TRIM37: variants seen among roughly 807,000 people sequenced by gnomAD.
TRIM37 encodes E3 ubiquitin-protein ligase TRIM37.
A neutral mutation model predicts 129.8 loss-of-function variants in TRIM37; 80 were observed. That is an observed-to-expected ratio of 0.62 (90% CI 0.51 to 0.74). TRIM37 has a LOEUF of 0.74. TRIM37 is among the 30% of genes least tolerant of loss of function. The pLI is 0.00. For synonymous variants in TRIM37, 389 were observed against 387.1 expected (o/e 1.00, Z -0.06); for missense variants, 1,054 against 1,176.5 (o/e 0.90, Z 1.52).
At chr17:59,075,793 T>C in intron 7 of TRIM37, 79 bp from the exon 8 acceptor site, 1 of 1,130,480 alleles carries the variant, frequency 8.8e-7, no homozygotes, top group Admixed American at 1.8e-5. Flanking sequence ...TGAACATATT[T>C]AATAACAAGA....
rs1161031946 is a variant in TRIM37, at chr17:59,032,089, A to G, written c.1755T>C (p.Gly585=). 7.4e-6 allele frequency: 12 copies of G among 1,613,692 alleles called. No individual in the cohort carries two copies. The highest frequency in any genetic ancestry group is 1.0e-5 in the Non-Finnish European group (12 of 1,180,010). Reference sequence around the variant, plus strand: ...TGGAACCCACATAACCATGGCTACTACCTGCAAAAGAGGCGTAGAAAATGA... The same window carrying G: ...TGGAACCCACATAACCATGGCTACTGCCTGCAAAAGAGGCGTAGAAAATGA... ...MEDAAAAGPA[G]SSHGYVGSSS... Residue 585 remains glycine (G), a splice_region_variant and synonymous_variant, in exon 18 of 24, where the codon GGT becomes GGC. Transcript: ENST00000262294.
intron 1 of TRIM37, 103 bp downstream of exon 1, chr17:59,106,338 T>A: frequency 7.4e-7 from 1 of 1,356,840 alleles, no homozygotes; most frequent in Admixed American, 2.0e-5. Flanking sequence ...AGGGGCGGGG[T>A]AGGGGTGCCC....
intron 13 of TRIM37, among the ~76,000 whole-genome samples, chr17:59,054,371 G>A (rs1406730988): frequency 2.0e-5 from 3 of 151,660 alleles, no homozygotes; most frequent in South Asian, 4.2e-4. Context: ...GTGAAATCTC[G>A]GCTCACTGCA....
intron 17 of TRIM37, among the ~76,000 whole-genome samples, chr17:59,033,994 C>T (rs187187625): frequency 9.1e-4 from 138 of 151,682 alleles, no homozygotes; most frequent in African/African-American, 3.2e-3. Context: ...GTAATCCCAG[C>T]TACTCGGGAG....
intron 22 of TRIM37, among the ~76,000 whole-genome samples, chr17:59,006,472 T>C (rs896689959): frequency 6.6e-6 from 1 of 152,210 alleles, no homozygotes; most frequent in Admixed American, 6.5e-5. Flanking sequence ...GATGACACTT[T>C]ATATTCTAGT....
chr17:59,087,140 G>A (rs1185041890), intron 4 of TRIM37, among the ~76,000 whole-genome samples: 1 of 152,140 alleles, frequency 6.6e-6, no homozygotes, highest in East Asian at 1.9e-4. Context: ...TCGTTACCCA[G>A]GCTGGAATGC....
chr17:59,024,829 C>T (rs1048957895), intron 19 of TRIM37, among the ~76,000 whole-genome samples: 3 of 152,236 alleles, frequency 2.0e-5, no homozygotes, highest in African/African-American at 7.2e-5. Flanking sequence ...CCCAGCACCC[C>T]TAAACTAGTC....
At chr17:58,996,446 G>A (rs2144299059), downstream of TRIM37, among the ~76,000 whole-genome samples, 1 of 149,338 alleles carries the variant, frequency 6.7e-6, no homozygotes, top group South Asian at 2.1e-4. Context: ...CTCCAGCCTG[G>A]CCGACAGAGT....
At chr17:59,037,967 T>G (rs1372011295) in intron 17 of TRIM37, among the ~76,000 whole-genome samples, 1 of 152,176 alleles carries the variant, frequency 6.6e-6, no homozygotes, top group Admixed American at 6.5e-5. Flanking sequence ...TTTTCCCTCA[T>G]GATTAGATTG....
chr17:59,039,292 G>C (rs2038893618), intron 17 of TRIM37, among the ~76,000 whole-genome samples: 1 of 151,586 alleles, frequency 6.6e-6, no homozygotes, highest in Non-Finnish European at 1.5e-5. Context: ...CTCCTGCAAA[G>C]TGCCTGCTTT....
chr17:59,043,673 C>G (rs1450917209), intron 16 of TRIM37, among the ~76,000 whole-genome samples: 1 of 152,156 alleles, frequency 6.6e-6, no homozygotes. Context: ...AGATGCTCTA[C>G]CTGGATGCAG....
At chr17:59,041,762 A>G in intron 17 of TRIM37, 51 bp downstream of exon 17, 1 of 1,325,768 alleles carries the variant, frequency 7.5e-7, no homozygotes, top group African/African-American at 1.4e-5. Flanking sequence ...CAGTCAGAGA[A>G]GAGCAGAGAG....
At chr17:58,983,929 AAGGGAGTC>A (rs1482032686) in intron 24 of TRIM37, 1 of 152,616 alleles carries the variant, frequency 6.6e-6, no homozygotes, top group East Asian at 1.9e-4. Context: ...GTGAGTTTCA[AAGGGAGTC>A]AGTCCCTAAT....
intron 19 of TRIM37, among the ~76,000 whole-genome samples, chr17:59,026,080 C>A (rs2037218378): frequency 6.6e-6 from 1 of 152,066 alleles, no homozygotes; most frequent in Admixed American, 6.6e-5. Flanking sequence ...TTTTAATAAA[C>A]AACACACACA....
intron 14 of TRIM37, among the ~76,000 whole-genome samples, chr17:59,050,721 T>G (rs1023900696): frequency 7.9e-5 from 12 of 152,108 alleles, no homozygotes; most frequent in Admixed American, 2.0e-4. Context: ...GGCTCATGCC[T>G]GTAATCCCAG....
At chr17:59,036,664 T>C (rs1002008872) in intron 17 of TRIM37, among the ~76,000 whole-genome samples, 1 of 152,072 alleles carries the variant, frequency 6.6e-6, no homozygotes, top group African/African-American at 2.4e-5. Context: ...TCAAGCTATC[T>C]CCTTATTTAA....
At chr17:58,979,456 G>A (rs762570053), downstream of TRIM37, among the ~76,000 whole-genome samples, 4 of 152,240 alleles carry the variant, frequency 2.6e-5, no homozygotes, top group East Asian at 3.9e-4. Flanking sequence ...CTTCGTGCTC[G>A]CAGCATGAAG....
chr17:59,077,273 T>C (rs2042891622), intron 7 of TRIM37, among the ~76,000 whole-genome samples: 1 of 151,292 alleles, frequency 6.6e-6, no homozygotes, highest in Admixed American at 6.6e-5. Context: ...TTTTCTTTTT[T>C]TTTTTTTTTT....
chr17:59,062,617 T>C lies in TRIM37; in HGVS notation c.892A>G (p.Ser298Gly). 6.2e-7 allele frequency: 1 copy of C among 1,614,078 alleles called. No homozygotes were observed. Among genetic ancestry groups the C allele is most frequent in the South Asian group, 1.1e-5 (1 of 91,086 alleles). ...AGTCCTGAAACTTGAAGAGGTGGAC[T>C]GTAAACAGGATCTGCTCTCTGACGC... Reference protein sequence around the residue: ...TLRQRADPVYSPPLQVSGLCW... With the variant: ...TLRQRADPVYGPPLQVSGLCW... Residue 298 changes from serine to glycine, a missense_variant, in exon 11 of 24, where the codon AGT (serine) becomes GGT (glycine). Ser to Gly is a moderately conservative substitution (Grantham distance 56). Transcript: ENST00000262294.
Sources: allele counts gnomAD v4.1 joint callset (sites outside exome capture counted in the v4.1 genomes callset), GRCh38; gene constraint gnomAD v4.1.1; transcripts MANE v1.5; gene names NCBI Gene and HGNC (gene_info 2026-07-23, HGNC 2026-07-21).